GSE1: variants seen among roughly 807,000 people sequenced by gnomAD.
GSE1 encodes Gse1 coiled-coil protein, also known as genetic suppressor element 1.
In GSE1, 32 loss-of-function variants were observed where a neutral mutation model predicts 112.6. The observed-to-expected ratio is 0.28, with a 90% CI of 0.21 to 0.38. The LOEUF (loss-of-function observed/expected upper bound fraction) is 0.38, where lower values mean the gene tolerates loss of function less well. GSE1 is among the 10% of genes least tolerant of loss of function. The pLI is 1.00. For synonymous variants in GSE1, 1,115 were observed against 735.6 expected, an observed-to-expected ratio of 1.52 and a Z score of -8.35; for missense variants, 2,348 against 1,699.2, an observed-to-expected ratio of 1.38 and a Z score of -6.71.
At chr16:85,369,830 T>C (rs1040092254) in intron 2 of GSE1, among the ~76,000 whole-genome samples, 6 of 152,360 alleles carry the variant, frequency 3.9e-5, no homozygotes. Flanking sequence ...GCCGACTGTG[T>C]GCCAGGCACT....
intron 1 of GSE1, among the ~76,000 whole-genome samples, chr16:85,620,324 C>T (rs2048650866): frequency 6.6e-6 from 1 of 152,216 alleles, no homozygotes; most frequent in Non-Finnish European, 1.5e-5. Context: ...AGCTGCTTCA[C>T]CCAGTCTCGG....
intron 1 of GSE1, among the ~76,000 whole-genome samples, chr16:85,229,214 C>T (rs894954376): frequency 2.6e-5 from 4 of 152,206 alleles, no homozygotes; most frequent in South Asian, 2.1e-4. Context: ...GCCTGGCCTG[C>T]GGGCGGGTAG....
At chr16:85,439,438 C>T (rs1012517694) in intron 2 of GSE1, among the ~76,000 whole-genome samples, 2 of 152,132 alleles carry the variant, frequency 1.3e-5, no homozygotes, top group African/African-American at 2.4e-5. Context: ...CTCAAATGGC[C>T]GAGCAGGAGG....
intron 1 of GSE1, among the ~76,000 whole-genome samples, chr16:85,196,040 T>C (rs35038690): frequency 0.04 from 6,065 of 152,298 alleles, 197 homozygotes; most frequent in South Asian, 0.16. Flanking sequence ...AACACGGTCA[T>C]GTTTCTGCTG....
At chr16:85,325,512 C>T (rs2046207832) in intron 1 of GSE1, among the ~76,000 whole-genome samples, 1 of 151,980 alleles carries the variant, frequency 6.6e-6, no homozygotes, top group African/African-American at 2.4e-5. Flanking sequence ...AGTGCAGTGA[C>T]ACGATCTCAG....
chr16:85,554,796 C>T (rs568949796), upstream of GSE1: 1 of 656,304 alleles, frequency 1.5e-6, no homozygotes, highest in Non-Finnish European at 1.7e-6. Context: ...GGAGGGAGGA[C>T]GGACGGGCGG....
intron 1 of GSE1, among the ~76,000 whole-genome samples, chr16:85,351,170 G>A (rs57631789): frequency 0.054 from 8,231 of 152,248 alleles, 729 homozygotes; most frequent in African/African-American, 0.18. Context: ...GAGGAGGCCG[G>A]GAGATGGAAT....
At chr16:85,310,186 C>T (rs541721923) in intron 1 of GSE1, among the ~76,000 whole-genome samples, 1 of 152,332 alleles carries the variant, frequency 6.6e-6, no homozygotes, top group South Asian at 2.1e-4. Flanking sequence ...CTGGCGCCCC[C>T]ACGCCCTGAC....
At chr16:85,653,921 C>T (rs1440931245) in intron 3 of GSE1, among the ~76,000 whole-genome samples, 4 of 152,224 alleles carry the variant, frequency 2.6e-5, no homozygotes, top group African/African-American at 4.8e-5. Flanking sequence ...GTGTGACCTT[C>T]GGATGTCCAC....
chr16:85,332,532 C>G (rs2046396940), intron 1 of GSE1, among the ~76,000 whole-genome samples: 1 of 152,164 alleles, frequency 6.6e-6, no homozygotes, highest in Non-Finnish European at 1.5e-5. Context: ...GTTAATATGA[C>G]TTACGGTGTC....
intron 1 of GSE1, among the ~76,000 whole-genome samples, chr16:85,277,621 C>T (rs1473170606): frequency 2.6e-5 from 4 of 152,136 alleles, no homozygotes; most frequent in South Asian, 2.1e-4. Flanking sequence ...GCCCAACTTC[C>T]ACCCCACCTG....
chr16:85,393,471 T>A (rs946215616), intron 2 of GSE1, among the ~76,000 whole-genome samples: 1 of 152,192 alleles, frequency 6.6e-6, no homozygotes, highest in Non-Finnish European at 1.5e-5. Flanking sequence ...TCTCACACAG[T>A]ACCCAGCACA....
At chr16:85,288,760 G>C (rs2045117414) in intron 1 of GSE1, among the ~76,000 whole-genome samples, 1 of 152,206 alleles carries the variant, frequency 6.6e-6, no homozygotes. Context: ...TGGAATCTGG[G>C]GGTGGGGGGC....
At chr16:85,463,179 A>G in intron 2 of GSE1, 1 of 908,610 alleles carries the variant, frequency 1.1e-6, no homozygotes, top group South Asian at 5.1e-5. Context: ...TCCGGGATGG[A>G]ACTTTCTGGG....
At chr16:85,602,913 G>T (rs1037945210) in intron 1 of GSE1, among the ~76,000 whole-genome samples, 1 of 152,244 alleles carries the variant, frequency 6.6e-6, no homozygotes, top group Non-Finnish European at 1.5e-5. Context: ...GGACCGGAGC[G>T]GGGCGCTCCG....
intron 1 of GSE1, among the ~76,000 whole-genome samples, chr16:85,622,184 G>A (rs1308047519): frequency 6.6e-6 from 1 of 152,176 alleles, no homozygotes; most frequent in Non-Finnish European, 1.5e-5. Flanking sequence ...GGGAGTCCAG[G>A]ACTCCTGGCG....
At chr16:85,665,189 C>G in intron 12 of GSE1, 61 bp downstream of exon 12, 1 of 932,424 alleles carries the variant, frequency 1.1e-6, no homozygotes, top group Non-Finnish European at 1.7e-6. Flanking sequence ...TGCCCAGGCT[C>G]AGAGGCGACC....
At chr16:85,386,830 C>T (rs2047698773) in intron 2 of GSE1, among the ~76,000 whole-genome samples, 1 of 152,138 alleles carries the variant, frequency 6.6e-6, no homozygotes, top group African/African-American at 2.4e-5. Flanking sequence ...CAGATTTTAC[C>T]CTATGGGTGC....
At chr16:85,587,242 C>T (rs994618128) in intron 1 of GSE1, among the ~76,000 whole-genome samples, 1 of 151,428 alleles carries the variant, frequency 6.6e-6, no homozygotes, top group African/African-American at 2.4e-5. Context: ...AAAGAGCGGA[C>T]GGGAGAAATA....
Sources: allele counts gnomAD v4.1 joint callset (sites outside exome capture counted in the v4.1 genomes callset), GRCh38; gene constraint gnomAD v4.1.1; transcripts MANE v1.5; gene names NCBI Gene and HGNC (gene_info 2026-07-23, HGNC 2026-07-21).